ZMYND11: variants seen among roughly 807,000 people sequenced by gnomAD.
The protein encoded by ZMYND11 is zinc finger MYND domain-containing protein 11.
Under a neutral mutation model 84.9 loss-of-function variants are expected in ZMYND11, and 9 were observed. That is an observed-to-expected ratio of 0.11 (90% confidence interval 0.06 to 0.18). The LOEUF is 0.18. Ranked by LOEUF, ZMYND11 falls within the 10% of genes least tolerant of loss-of-function variation. ZMYND11 has a pLI of 1.00. For synonymous variants in ZMYND11, 250 were observed against 244.1 expected, an observed-to-expected ratio of 1.02 and a Z score of -0.23; for missense variants, 409 against 761.0, an observed-to-expected ratio of 0.54 and a Z score of 5.44.
At chr10:150,502 T>C (rs1840066772) in intron 1 of ZMYND11, among the ~76,000 whole-genome samples, 1 of 152,228 alleles carries the variant, frequency 6.6e-6, no homozygotes, top group Admixed American at 6.5e-5. Context: ...TTCTTCTCTT[T>C]TTTCTTCTTT....
At chr10:249,434 A>G (rs1952875013) in intron 14 of ZMYND11, 12 of 985,246 alleles carry the variant, frequency 1.2e-5, no homozygotes, top group Non-Finnish European at 1.4e-5. Context: ...CAGATGGGTA[A>G]CATCCAAATG....
intron 12 of ZMYND11, 34 bp downstream of exon 12, chr10:247,500 A>C: frequency 6.3e-7 from 1 of 1,597,318 alleles, no homozygotes; most frequent in Non-Finnish European, 8.6e-7. Context: ...CCAGGTGGCA[A>C]ATGAAACAGG....
intron 2 of ZMYND11, among the ~76,000 whole-genome samples, chr10:199,627 T>A (rs964595813): frequency 6.6e-6 from 1 of 151,756 alleles, no homozygotes; most frequent in Non-Finnish European, 1.5e-5. Flanking sequence ...AGAGACGAGG[T>A]CTTACTATGC....
chr10:170,650 A>G (rs1370266570), intron 1 of ZMYND11, among the ~76,000 whole-genome samples: 1 of 152,140 alleles, frequency 6.6e-6, no homozygotes, highest in Non-Finnish European at 1.5e-5. Flanking sequence ...GTATGTTGCA[A>G]ACTCTAGGGA....
At chr10:206,687 T>C (rs1373221173) in intron 2 of ZMYND11, among the ~76,000 whole-genome samples, 1 of 152,176 alleles carries the variant, frequency 6.6e-6, no homozygotes, top group East Asian at 1.9e-4. Flanking sequence ...TTGTTGAGTT[T>C]AGCCCATTTG....
At chr10:241,047 A>T in intron 9 of ZMYND11, 77 bp downstream of exon 9, 2 of 1,190,990 alleles carry the variant, frequency 1.7e-6, no homozygotes, top group Non-Finnish European at 2.4e-6. Context: ...AAAGATTATA[A>T]TTTTCTTCCT....
chr10:173,443 G>T (rs554356957), intron 1 of ZMYND11, among the ~76,000 whole-genome samples: 1 of 152,268 alleles, frequency 6.6e-6, no homozygotes, highest in South Asian at 2.1e-4. Context: ...TAAATAATAA[G>T]AAAATGAAGA....
intron 8 of ZMYND11, among the ~76,000 whole-genome samples, 170 bp downstream of exon 8, chr10:240,281 G>A (rs138770067): frequency 3.1e-3 from 466 of 152,238 alleles, no homozygotes; most frequent in African/African-American, 0.01. Flanking sequence ...CAAGTTGGGC[G>A]GATCACGAGA....
chr10:152,625 A>G (rs1465715940), intron 1 of ZMYND11, among the ~76,000 whole-genome samples: 1 of 152,140 alleles, frequency 6.6e-6, no homozygotes, highest in Non-Finnish European at 1.5e-5. Context: ...AGACTTTAAC[A>G]CCCCAGTGTC....
chr10:199,784 A>C (rs1251822901), intron 2 of ZMYND11, among the ~76,000 whole-genome samples: 1 of 152,170 alleles, frequency 6.6e-6, no homozygotes, highest in Non-Finnish European at 1.5e-5. Flanking sequence ...GTATTCTATC[A>C]AGTGGATATA....
Position 174,989 on chromosome 10 carries a change from C to T in ZMYND11, c.-19-5005C>T, listed in dbSNP as rs372667403. On this transcript the variant is annotated intron_variant, in intron 1 of 14. Transcript: ENST00000381604. Reference sequence around the variant, plus strand: ...CAGTGGCACATGCTTGTCATTCATACGTTGGTCAGAACCCATGGGCACTAC... The same window carrying T: ...CAGTGGCACATGCTTGTCATTCATATGTTGGTCAGAACCCATGGGCACTAC... Among the ~76,000 whole-genome samples, 25 of 151,060 alleles carry T rather than the reference C, an allele frequency of 1.7e-4. No homozygotes were observed. In the East Asian group the frequency reaches 2.3e-3, roughly 14 times the overall value.
intron 3 of ZMYND11, among the ~76,000 whole-genome samples, chr10:215,948 T>A (rs1946138021): frequency 6.6e-6 from 1 of 152,154 alleles, no homozygotes; most frequent in Non-Finnish European, 1.5e-5. Flanking sequence ...TTAATGAAAA[T>A]ATATATTTTC....
chr10:157,809 C>T (rs187845426), intron 1 of ZMYND11, among the ~76,000 whole-genome samples: 75 of 152,272 alleles, frequency 4.9e-4, no homozygotes, highest in African/African-American at 1.7e-3. Flanking sequence ...CCGTTACCAC[C>T]GTCTAATTCC....
At chr10:229,431 A>C (rs1267886754) in intron 4 of ZMYND11, among the ~76,000 whole-genome samples, 1 of 152,144 alleles carries the variant, frequency 6.6e-6, no homozygotes, top group African/African-American at 2.4e-5. Context: ...AATTCTTATA[A>C]GTTAAAAAAA....
chr10:239,626 AC>A, intron 7 of ZMYND11, 101 bp downstream of exon 7: 1 of 844,428 alleles, frequency 1.2e-6, no homozygotes, highest in Non-Finnish European at 1.9e-6. Flanking sequence ...AAGAATTAAT[AC>A]CTTAATGATC....
intron 2 of ZMYND11, chr10:197,969 A>G: frequency 1.5e-6 from 1 of 656,756 alleles, no homozygotes. Flanking sequence ...TTACACAGAT[A>G]TGTCATTTTC....
At chr10:163,274 G>GCCAGGTAT (rs1349477475) in intron 1 of ZMYND11, among the ~76,000 whole-genome samples, 1 of 152,132 alleles carries the variant, frequency 6.6e-6, no homozygotes, top group Non-Finnish European at 1.5e-5. Context: ...GATAGTCTAA[G>GCCAGGTAT]CTGTTGTGCT....
Position 219,554 on chromosome 10 carries a change from A to C in ZMYND11, c.277-1641A>C, listed in dbSNP as rs186998189. ...TTTGTCAATGATTTTTAATATAATA[A>C]TTGATAAATTGAAATAGCTAAAATG... On this transcript the variant is annotated intron_variant, in intron 3 of 14. Transcript: ENST00000381604. Among the ~76,000 whole-genome samples, 1,224 of 152,270 alleles carry C rather than the reference A, an allele frequency of 8.0e-3. 13 individuals carry two copies. Among genetic ancestry groups the C allele is most frequent in the South Asian group, 0.029 (139 of 4,820 alleles).
At chr10:215,565 T>G (rs928411938) in intron 3 of ZMYND11, among the ~76,000 whole-genome samples, 94 of 151,940 alleles carry the variant, frequency 6.2e-4, no homozygotes, top group African/African-American at 2.1e-3. Flanking sequence ...TTTTTTGTTT[T>G]TTTTTTTTTT....
Sources: allele counts gnomAD v4.1 joint callset (sites outside exome capture counted in the v4.1 genomes callset), GRCh38; gene constraint gnomAD v4.1.1; transcripts MANE v1.5; gene names NCBI Gene and HGNC (gene_info 2026-07-23, HGNC 2026-07-21).